The following ZSCAN5A variants were observed in gnomAD, a reference collection of about 807,000 sequenced individuals.
ZSCAN5A encodes zinc finger and SCAN domain-containing protein 5A.
ZSCAN5A carries 12 observed loss-of-function variants against 23.7 expected under a neutral mutation model. That is an observed-to-expected ratio of 0.51 (90% confidence interval 0.32 to 0.82). The LOEUF (loss-of-function observed/expected upper bound fraction) is 0.82, where lower values mean the gene tolerates loss of function less well. ZSCAN5A is among the 40% of genes least tolerant of loss of function. The pLI, the probability that ZSCAN5A is intolerant of heterozygous loss-of-function variation, is 0.03. For missense variants in ZSCAN5A, 597 were observed against 617.9 expected (o/e 0.97, Z 0.36); for synonymous variants, 257 against 239.9 (o/e 1.07, Z -0.66).
At chr19:56,333,769 T>C (rs1025400716) in intron 2 of ZSCAN5A, among the ~76,000 whole-genome samples, 1 of 152,008 alleles carries the variant, frequency 6.6e-6, no homozygotes, top group South Asian at 2.1e-4. Flanking sequence ...GAAGAGTCCA[T>C]AGGGCTATAA....
At chr19:56,327,253 A>C (rs948994882) in intron 2 of ZSCAN5A, among the ~76,000 whole-genome samples, 15 of 151,916 alleles carry the variant, frequency 9.9e-5, no homozygotes, top group African/African-American at 3.6e-4. Flanking sequence ...AGTAGCTAGG[A>C]CTAAAGGTGC....
chr19:56,310,887 G>A (rs1343824120), intron 2 of ZSCAN5A, among the ~76,000 whole-genome samples: 2 of 152,180 alleles, frequency 1.3e-5, no homozygotes, highest in African/African-American at 4.8e-5. Context: ...GGAAGGTATT[G>A]TCTCTTAATG....
chr19:56,226,377 G>T (rs540516675), intron 2 of ZSCAN5A, among the ~76,000 whole-genome samples: 1 of 152,314 alleles, frequency 6.6e-6, no homozygotes, highest in East Asian at 1.9e-4. Flanking sequence ...CCTCCAGAGC[G>T]AGAAAACACA....
chr19:56,309,512 T>A (rs2040898208), intron 2 of ZSCAN5A, among the ~76,000 whole-genome samples: 1 of 152,248 alleles, frequency 6.6e-6, no homozygotes, highest in African/African-American at 2.4e-5. Flanking sequence ...TTAAAAGGGA[T>A]GCAGGCTGCA....
At chr19:56,312,978 C>T (rs1386517504) in intron 2 of ZSCAN5A, among the ~76,000 whole-genome samples, 2 of 152,192 alleles carry the variant, frequency 1.3e-5, no homozygotes, top group African/African-American at 4.8e-5. Flanking sequence ...ACTGCTGCTG[C>T]TATGATTATG....
At chr19:56,251,852 C>T (rs898292289) in intron 2 of ZSCAN5A, among the ~76,000 whole-genome samples, 4 of 152,164 alleles carry the variant, frequency 2.6e-5, no homozygotes, top group African/African-American at 4.8e-5. Context: ...TGTGAACCAG[C>T]ACACCTGGGC....
chr19:56,314,547 G>T (rs930381427), intron 1 of ZSCAN5A, 134 bp downstream of exon 1: 3 of 152,240 alleles, frequency 2.0e-5, no homozygotes, highest in Non-Finnish European at 4.4e-5. Context: ...CCCGGGCTCG[G>T]TCCTCCCACG....
intron 2 of ZSCAN5A, among the ~76,000 whole-genome samples, chr19:56,261,484 A>C (rs1232518902): frequency 6.6e-6 from 1 of 152,052 alleles, no homozygotes; most frequent in Admixed American, 6.6e-5. Context: ...ATGAAACCTA[A>C]TTTTCTTTAG....
At chr19:56,303,027 A>C (rs2040449033) in intron 2 of ZSCAN5A, 1 of 396,066 alleles carries the variant, frequency 2.5e-6, no homozygotes, top group Non-Finnish European at 4.4e-6. Context: ...GCCTAGGGGA[A>C]GTGTGGGCTC....
chr19:56,303,346 C>T (rs377074892), intron 2 of ZSCAN5A, among the ~76,000 whole-genome samples: 6 of 151,862 alleles, frequency 4.0e-5, no homozygotes, highest in African/African-American at 9.7e-5. Flanking sequence ...GGCATGGTGG[C>T]GCATGCCTGT....
upstream of ZSCAN5A, among the ~76,000 whole-genome samples, chr19:56,319,498 G>GAA (rs57164685): frequency 1.1e-4 from 9 of 78,408 alleles, no homozygotes; most frequent in Admixed American, 1.9e-4. Flanking sequence ...TCCATCTCGG[G>GAA]AAAAAAAAAA....
intron 2 of ZSCAN5A, among the ~76,000 whole-genome samples, chr19:56,302,583 CTTTTCT>C (rs2040383942): frequency 3.4e-5 from 2 of 59,240 alleles, no homozygotes; most frequent in Non-Finnish European, 5.6e-5. Context: ...CTTCCTCCCC[CTTTTCT>C]TCCTCTCCCT....
At chr19:56,270,141 C>A (rs539304084) in intron 2 of ZSCAN5A, among the ~76,000 whole-genome samples, 1 of 97,974 alleles carries the variant, frequency 1.0e-5, no homozygotes, top group Non-Finnish European at 2.2e-5. Context: ...ACAAACATCA[C>A]GCTGGGTGAA....
At chr19:56,226,703 C>G (rs968293964) in intron 2 of ZSCAN5A, among the ~76,000 whole-genome samples, 1 of 152,290 alleles carries the variant, frequency 6.6e-6, no homozygotes, top group South Asian at 2.1e-4. Flanking sequence ...CCGGCAATCC[C>G]GCTCCGGGGC....
At chr19:56,323,646 C>T (rs2041404503) in intron 2 of ZSCAN5A, among the ~76,000 whole-genome samples, 2 of 151,500 alleles carry the variant, frequency 1.3e-5, no homozygotes, top group Admixed American at 1.3e-4. Context: ...AAGCGATTCT[C>T]CTGCCTCAGC....
intron 2 of ZSCAN5A, among the ~76,000 whole-genome samples, chr19:56,250,030 T>C (rs2036230988): frequency 6.6e-6 from 1 of 152,194 alleles, no homozygotes; most frequent in Non-Finnish European, 1.5e-5. Context: ...TCGGTTCTTG[T>C]CTTCTTAATT....
intron 2 of ZSCAN5A, among the ~76,000 whole-genome samples, chr19:56,299,058 T>G (rs1235138505): frequency 6.6e-6 from 1 of 152,190 alleles, no homozygotes; most frequent in Non-Finnish European, 1.5e-5. Flanking sequence ...ATTCCCACCT[T>G]ATTAACATAA....
intron 4 of ZSCAN5A, 147 bp from the exon 5 acceptor site, chr19:56,222,888 A>AC: frequency 9.8e-7 from 1 of 1,020,568 alleles, no homozygotes; most frequent in Non-Finnish European, 1.4e-6. Flanking sequence ...CCACCCCATC[A>AC]CCCCACGTAA....
intron 2 of ZSCAN5A, among the ~76,000 whole-genome samples, chr19:56,300,962 GTGGGAGATGGA>G (rs2040187706): frequency 6.6e-6 from 1 of 152,170 alleles, no homozygotes; most frequent in Non-Finnish European, 1.5e-5. Flanking sequence ...TGGCACTCAT[GTGGGAGATGGA>G]TGAGAAAGAG....
Sources: allele counts gnomAD v4.1 joint callset (sites outside exome capture counted in the v4.1 genomes callset), GRCh38; gene constraint gnomAD v4.1.1; transcripts MANE v1.5; gene names NCBI Gene and HGNC (gene_info 2026-07-23, HGNC 2026-07-21).